FRMD4B: variants seen among roughly 807,000 people sequenced by gnomAD.
The protein encoded by FRMD4B is FERM domain-containing protein 4B.
A neutral mutation model predicts 141.5 loss-of-function variants in FRMD4B; 74 were observed. The ratio of observed to expected loss-of-function variants is 0.52; its 90% CI spans 0.43 to 0.63. The LOEUF is 0.63. Among genes scored for constraint, FRMD4B ranks in the 30% least tolerant of loss-of-function variants. FRMD4B has a pLI of 0.00. For synonymous variants in FRMD4B, 506 were observed against 467.9 expected, an observed-to-expected ratio of 1.08 and a Z score of -1.05; for missense variants, 1,366 against 1,253.4, an observed-to-expected ratio of 1.09 and a Z score of -1.36.
chr3:69,414,861 G>GTTTTTT (rs5849900), intron 2 of FRMD4B, among the ~76,000 whole-genome samples: 4 of 98,042 alleles, frequency 4.1e-5, no homozygotes, highest in East Asian at 3.3e-4. Context: ...CGAACAAGCT[G>GTTTTTT]TTTTTTTTTT....
intron 3 of FRMD4B, among the ~76,000 whole-genome samples, chr3:69,307,456 TCA>T (rs1701433637): frequency 6.6e-6 from 1 of 152,064 alleles, no homozygotes; most frequent in Non-Finnish European, 1.5e-5. Flanking sequence ...TCCTCATGCC[TCA>T]GGTGCCTGAG....
chr3:69,505,829 C>T (rs1575594438), intron 1 of FRMD4B, among the ~76,000 whole-genome samples: 2 of 152,158 alleles, frequency 1.3e-5, no homozygotes, highest in South Asian at 4.1e-4. Context: ...TCTACTCACA[C>T]ATTTTCTTTA....
chr3:69,517,798 C>G (rs1321139276), intron 1 of FRMD4B, among the ~76,000 whole-genome samples: 1 of 152,214 alleles, frequency 6.6e-6, no homozygotes, highest in Non-Finnish European at 1.5e-5. Context: ...TCAAATGTCT[C>G]TGTTACCTAT....
At position 69,181,244 on chromosome 3, in the gene FRMD4B, T is replaced by A. The variant is rs375934741; in HGVS notation, c.2506A>T (p.Asn836Tyr). The change falls in exon 21 of 23, where the codon AAC (asparagine) becomes TAC (tyrosine). Residue 836 changes from asparagine to tyrosine, a missense_variant. By Grantham distance (143) the Asn-to-Tyr change is moderately radical. Coordinates refer to ENST00000398540, the MANE Select transcript of FRMD4B (RefSeq NM_015123.3). ...TGGGCTGAGGACCGGTAGGAAGGGT[T>A]GACACTATACTGTCCCTCGGTGTCA... ...ENDTEGQYSV[N>Y]PSYRSSAHYG... 2.5e-6 allele frequency: 4 copies of A among 1,613,740 alleles called. No homozygotes were observed. In the African/African-American group the frequency reaches 5.3e-5, roughly 22 times the overall value.
At chr3:69,422,393 A>AAG (rs1164979997) in intron 2 of FRMD4B, among the ~76,000 whole-genome samples, 5 of 151,824 alleles carry the variant, frequency 3.3e-5, no homozygotes, top group Non-Finnish European at 5.9e-5. Flanking sequence ...AAAAAAAAAA[A>AAG]AAAAGAAGAG....
intron 1 of FRMD4B, among the ~76,000 whole-genome samples, chr3:69,382,385 C>T (rs1284636205): frequency 4.6e-5 from 7 of 152,002 alleles, no homozygotes; most frequent in Admixed American, 2.0e-4. Context: ...ATGTTGGCCA[C>T]GCTGGTCTTG....
At chr3:69,265,883 C>A (rs781732636) in intron 5 of FRMD4B, among the ~76,000 whole-genome samples, 1 of 151,866 alleles carries the variant, frequency 6.6e-6, no homozygotes, top group Non-Finnish European at 1.5e-5. Context: ...AAAGCCTGGA[C>A]TGTCTTATCA....
chr3:69,430,006 CCACCT>C, intron 2 of FRMD4B, among the ~76,000 whole-genome samples: 2 of 152,024 alleles, frequency 1.3e-5, no homozygotes, highest in South Asian at 2.1e-4. Flanking sequence ...AGTGATCCAC[CCACCT>C]CAGCCTCCCA....
At chr3:69,308,933 G>T (rs1426707544) in intron 3 of FRMD4B, among the ~76,000 whole-genome samples, 1 of 151,944 alleles carries the variant, frequency 6.6e-6, no homozygotes, top group Admixed American at 6.6e-5. Context: ...TCTTGGTCAT[G>T]GCCTTTTATG....
chr3:69,432,781 A>C (rs1009268860), intron 1 of FRMD4B: 1 of 152,230 alleles, frequency 6.6e-6, no homozygotes, highest in Non-Finnish European at 1.5e-5. Flanking sequence ...AGAAGAGAGA[A>C]GCTCCTTAAT....
At chr3:69,541,128 G>C (rs1701178426) in intron 1 of FRMD4B, 1 of 81,380 alleles carries the variant, frequency 1.2e-5, no homozygotes. Context: ...TTTCGAGTTG[G>C]CTAGTAAATT....
At chr3:69,466,091 C>T (rs746905710) in intron 1 of FRMD4B, among the ~76,000 whole-genome samples, 7 of 152,066 alleles carry the variant, frequency 4.6e-5, no homozygotes, top group Non-Finnish European at 8.8e-5. Context: ...TTCTAAGTGG[C>T]ATGAGATGGT....
intron 11 of FRMD4B, among the ~76,000 whole-genome samples, chr3:69,203,071 C>T (rs1190951443): frequency 6.7e-6 from 1 of 149,172 alleles, no homozygotes; most frequent in Admixed American, 6.7e-5. Context: ...ATTCCCTTAA[C>T]CCTAAGATGA....
At chr3:69,206,153 A>G (rs925705493) in intron 11 of FRMD4B, among the ~76,000 whole-genome samples, 16 of 152,094 alleles carry the variant, frequency 1.1e-4, no homozygotes, top group Admixed American at 9.8e-4. Flanking sequence ...GGAGTTCGAG[A>G]CCAGCCTGAC....
chr3:69,277,934 C>A (rs897425795), intron 5 of FRMD4B, among the ~76,000 whole-genome samples: 3 of 151,856 alleles, frequency 2.0e-5, no homozygotes, highest in Non-Finnish European at 4.4e-5. Context: ...CGGCTCACTA[C>A]AACCTCTGCC....
At chr3:69,295,694 C>G (rs1160529613) in intron 4 of FRMD4B, among the ~76,000 whole-genome samples, 1 of 152,180 alleles carries the variant, frequency 6.6e-6, no homozygotes, top group Admixed American at 6.5e-5. Flanking sequence ...TAGCTCCCTA[C>G]TACAAAGAAT....
chr3:69,210,707 C>G (rs961238678), intron 11 of FRMD4B, among the ~76,000 whole-genome samples: 33 of 152,032 alleles, frequency 2.2e-4, no homozygotes, highest in African/African-American at 8.0e-4. Context: ...CACACATCTC[C>G]GAAAACAGAA....
intron 11 of FRMD4B, among the ~76,000 whole-genome samples, chr3:69,207,601 A>G (rs2093036277): frequency 8.5e-5 from 13 of 152,072 alleles, no homozygotes; most frequent in Admixed American, 8.5e-4. Context: ...CGAGGTCAAG[A>G]GATCGAAACC....
At chr3:69,416,920 A>C (rs1704876993) in intron 2 of FRMD4B, among the ~76,000 whole-genome samples, 1 of 152,166 alleles carries the variant, frequency 6.6e-6, no homozygotes, top group Non-Finnish European at 1.5e-5. Flanking sequence ...CATCATGTAT[A>C]TATGCCACAT....
Sources: gnomAD v4.1 joint callset for allele counts (sites outside exome capture counted in the v4.1 genomes callset) on GRCh38, gnomAD v4.1.1 for gene constraint, MANE v1.5 for transcripts, NCBI Gene and HGNC (gene_info 2026-07-23, HGNC 2026-07-21) for gene names.